Variants in DLGAP4 observed in about 807,000 individuals in gnomAD.
DLGAP4 encodes the protein DLG associated protein 4, also known as disks large-associated protein 4.
A neutral mutation model predicts 86.9 loss-of-function variants in DLGAP4; 18 were observed. That is an observed-to-expected ratio of 0.21 (90% CI 0.14 to 0.31). DLGAP4 has a LOEUF of 0.31. Among genes scored for constraint, DLGAP4 ranks in the 10% least tolerant of loss-of-function variants. The pLI, the probability that DLGAP4 is intolerant of heterozygous loss-of-function variation, is 1.00. For synonymous variants in DLGAP4, 548 were observed against 574.3 expected (o/e 0.95, Z 0.65); for missense variants, 1,085 against 1,362.6 (o/e 0.80, Z 3.21).
intron 1 of DLGAP4, among the ~76,000 whole-genome samples, chr20:36,337,817 G>T (rs1383829854): frequency 1.3e-5 from 2 of 152,222 alleles, no homozygotes; most frequent in African/African-American, 4.8e-5. Flanking sequence ...CCTGTGCTGG[G>T]ATTGGTGGTA....
At chr20:36,346,222 G>A (rs546053678) in intron 1 of DLGAP4, among the ~76,000 whole-genome samples, 2 of 152,328 alleles carry the variant, frequency 1.3e-5, no homozygotes, top group South Asian at 2.1e-4. Context: ...AAGGACTGAC[G>A]GCTGTGGGTA....
chr20:36,366,641 C>T (rs184535695), intron 1 of DLGAP4, among the ~76,000 whole-genome samples: 3 of 152,234 alleles, frequency 2.0e-5, no homozygotes, highest in South Asian at 2.1e-4. Flanking sequence ...GGTGTCACCC[C>T]GCATGTGAGA....
chr20:36,503,536 G>A (rs1231732928), intron 10 of DLGAP4, among the ~76,000 whole-genome samples: 1 of 129,852 alleles, frequency 7.7e-6, no homozygotes, highest in Non-Finnish European at 1.5e-5. Context: ...CTTCCAGGCT[G>A]GAGTGCAGTG....
intron 7 of DLGAP4, among the ~76,000 whole-genome samples, chr20:36,471,323 G>A (rs1234678847): frequency 2.0e-5 from 3 of 152,016 alleles, no homozygotes; most frequent in African/African-American, 7.3e-5. Context: ...GTGAAACCCC[G>A]TCTCTACTAA....
chr20:36,519,961 T>G (rs575123076), intron 10 of DLGAP4, among the ~76,000 whole-genome samples: 68 of 152,090 alleles, frequency 4.5e-4, no homozygotes, highest in Admixed American at 2.4e-3. Context: ...CAGTTTGTTT[T>G]TTTTTTTTTC....
intron 4 of DLGAP4, among the ~76,000 whole-genome samples, chr20:36,438,802 G>A (rs370346302): frequency 7.4e-5 from 11 of 149,028 alleles, no homozygotes; most frequent in African/African-American, 7.5e-5. Context: ...TCCACCTCCC[G>A]GGTTCAAGCA....
intron 7 of DLGAP4, chr20:36,462,387 G>A: frequency 7.8e-7 from 1 of 1,284,212 alleles, no homozygotes; most frequent in Non-Finnish European, 9.7e-7. Context: ...CGGTGGTCTC[G>A]CCACTCTGTG....
chr20:36,414,822 G>A (rs943522377), intron 2 of DLGAP4, among the ~76,000 whole-genome samples: 9 of 152,222 alleles, frequency 5.9e-5, no homozygotes, highest in African/African-American at 1.9e-4. Context: ...TATGGCAAAT[G>A]CAACTGAAAT....
chr20:36,406,218 G>A (rs1232979978), intron 2 of DLGAP4, among the ~76,000 whole-genome samples: 4 of 152,108 alleles, frequency 2.6e-5, no homozygotes, highest in Non-Finnish European at 4.4e-5. Context: ...CTAACACGGT[G>A]AAACCCTGTC....
chr20:36,461,973 T>G (rs2034102308), intron 7 of DLGAP4: 9 of 984,512 alleles, frequency 9.1e-6, no homozygotes, highest in Non-Finnish European at 1.1e-5. Context: ...TCTTCGGGAC[T>G]CCCCCTCAGA....
intron 1 of DLGAP4, among the ~76,000 whole-genome samples, chr20:36,311,479 C>G (rs1245176739): frequency 6.6e-6 from 1 of 152,158 alleles, no homozygotes; most frequent in Non-Finnish European, 1.5e-5. Flanking sequence ...CACCCCTCAC[C>G]AGGGCTGGTT....
At chr20:36,364,754 A>G (rs575218359) in intron 1 of DLGAP4, among the ~76,000 whole-genome samples, 2 of 152,178 alleles carry the variant, frequency 1.3e-5, no homozygotes, top group African/African-American at 4.8e-5. Context: ...ACAGCATCAC[A>G]GATGGCCCGG....
chr20:36,503,846 A>G (rs561290512), intron 10 of DLGAP4, among the ~76,000 whole-genome samples: 2 of 152,250 alleles, frequency 1.3e-5, no homozygotes, highest in East Asian at 3.9e-4. Flanking sequence ...TTTGAGGTTC[A>G]TCCATGTTGT....
At chr20:36,503,438 T>C (rs984237076) in intron 10 of DLGAP4, among the ~76,000 whole-genome samples, 1 of 152,038 alleles carries the variant, frequency 6.6e-6, no homozygotes, top group African/African-American at 2.4e-5. Context: ...GATTTGCCTA[T>C]TCTGGACATT....
chr20:36,462,810 TTGAG>T (rs994764083), intron 7 of DLGAP4, among the ~76,000 whole-genome samples: 13 of 152,182 alleles, frequency 8.5e-5, no homozygotes, highest in Non-Finnish European at 1.9e-4. Context: ...CTTTAGTTGC[TTGAG>T]TGTGTGGAGG....
At chr20:36,459,595 C>CT (rs2033968947) in intron 7 of DLGAP4, among the ~76,000 whole-genome samples, 1 of 152,028 alleles carries the variant, frequency 6.6e-6, no homozygotes, top group East Asian at 1.9e-4. Flanking sequence ...CCAGGCTGGT[C>CT]TTTTTTTAAT....
intron 7 of DLGAP4, chr20:36,461,976 C>T (rs1215857245): frequency 7.1e-6 from 7 of 985,138 alleles, no homozygotes; most frequent in Non-Finnish European, 8.4e-6. Context: ...TCGGGACTCC[C>T]CCTCAGAGCG....
intron 2 of DLGAP4, among the ~76,000 whole-genome samples, chr20:36,421,781 C>T (rs960714386): frequency 7.2e-5 from 11 of 152,084 alleles, no homozygotes; most frequent in African/African-American, 1.7e-4. Context: ...TGAGAGATCC[C>T]GTGTTCTATC....
intron 10 of DLGAP4, among the ~76,000 whole-genome samples, chr20:36,507,212 G>GTT (rs71184099): frequency 3.4e-5 from 5 of 147,490 alleles, no homozygotes; most frequent in African/African-American, 5.0e-5. Flanking sequence ...CACAAAAGTT[G>GTT]TTTTTTTTTT....
Sources: allele counts gnomAD v4.1 joint callset (sites outside exome capture counted in the v4.1 genomes callset), GRCh38; gene constraint gnomAD v4.1.1; transcripts MANE v1.5; gene names NCBI Gene and HGNC (gene_info 2026-07-23, HGNC 2026-07-21).